The following NBAS variants were observed in gnomAD, a reference collection of about 807,000 sequenced individuals.
NBAS encodes NBAS subunit of NRZ tethering complex.
Under a neutral mutation model 302.5 loss-of-function variants are expected in NBAS, and 219 were observed. The ratio of observed to expected loss-of-function variants is 0.72; its 90% CI spans 0.65 to 0.81. The LOEUF (loss-of-function observed/expected upper bound fraction) is 0.81, where lower values mean the gene tolerates loss of function less well. Ranked by LOEUF, NBAS falls within the 30% of genes least tolerant of loss-of-function variation. The pLI, the probability that NBAS is intolerant of heterozygous loss-of-function variation, is 0.00. For missense variants in NBAS, 2,932 were observed against 2,841.6 expected (o/e 1.03, Z -0.72); for synonymous variants, 1,118 against 1,021.6 (o/e 1.09, Z -1.80).
Position 15,238,498 on chromosome 2 carries a change from G to A in NBAS, c.5913C>T (p.Ser1971=). Residue 1971 remains serine (S), a synonymous_variant, in exon 45 of 52, where the codon AGC becomes AGT. Coordinates refer to ENST00000281513, the MANE Select transcript of NBAS (RefSeq NM_015909.4). ...SLAHLETLSH[S]FILSLKNSEQ... is the part of the protein sequence containing the mutation. ...CACTATTCTTCAGAGAAAGGATGAAGCTGTGGCTCAGGGTTTCCAGGTGGG... is the reference window on the plus strand; with the variant it reads ...CACTATTCTTCAGAGAAAGGATGAAACTGTGGCTCAGGGTTTCCAGGTGGG... 1 of 1,614,184 alleles carries A rather than the reference G, an allele frequency of 6.2e-7. No homozygotes were observed. Among genetic ancestry groups the A allele is most frequent in the Non-Finnish European group, 8.5e-7 (1 of 1,180,012 alleles).
At chr2:15,471,208 G>A (rs1679943615) in intron 16 of NBAS, among the ~76,000 whole-genome samples, 1 of 152,054 alleles carries the variant, frequency 6.6e-6, no homozygotes, top group Admixed American at 6.6e-5. Context: ...TGAGCTCATT[G>A]TCTTAGATCA....
chr2:15,141,397 A>G, the NBAS span, among the ~76,000 whole-genome samples: 2 of 152,228 alleles, frequency 1.3e-5, no homozygotes, highest in Non-Finnish European at 2.9e-5. Context: ...TTTACAGACG[A>G]CAACAGTGAG....
chr2:15,310,906 GAAC>G (rs555410927), intron 38 of NBAS, among the ~76,000 whole-genome samples: 251 of 152,150 alleles, frequency 1.6e-3, no homozygotes, highest in Non-Finnish European at 1.6e-3. Context: ...GCATGTTTTA[GAAC>G]AACAACTACA....
chr2:15,372,463 G>T (rs112035092), intron 31 of NBAS, among the ~76,000 whole-genome samples: 3 of 152,222 alleles, frequency 2.0e-5, no homozygotes, highest in South Asian at 2.1e-4. Flanking sequence ...AATGAACTAC[G>T]TACACTGACT....
chr2:15,453,520 C>T (rs971725293), intron 21 of NBAS, among the ~76,000 whole-genome samples: 4 of 152,070 alleles, frequency 2.6e-5, no homozygotes, highest in African/African-American at 9.7e-5. Context: ...CACTTTTTAG[C>T]CTTACTGATA....
At chr2:15,503,789 T>C (rs1572940065) in intron 11 of NBAS, among the ~76,000 whole-genome samples, 2 of 152,310 alleles carry the variant, frequency 1.3e-5, no homozygotes, top group East Asian at 1.9e-4. Flanking sequence ...AAAAATGATA[T>C]ATTATGAACA....
At chr2:15,058,755 G>A in the NBAS span, among the ~76,000 whole-genome samples, 1 of 152,152 alleles carries the variant, frequency 6.6e-6, no homozygotes, top group Non-Finnish European at 1.5e-5. Context: ...TTCACAACTG[G>A]CCGGGAATCT....
chr2:14,803,429 C>T, the NBAS span, among the ~76,000 whole-genome samples: 2 of 152,136 alleles, frequency 1.3e-5, no homozygotes, highest in Non-Finnish European at 2.9e-5. Flanking sequence ...CTCTCACTAC[C>T]TTGGCCTTCC....
At chr2:15,048,287 G>T in the NBAS span, among the ~76,000 whole-genome samples, 1 of 152,204 alleles carries the variant, frequency 6.6e-6, no homozygotes, top group Non-Finnish European at 1.5e-5. Context: ...CATCCGTGCC[G>T]GATGCTCTTT....
intron 6 of NBAS, among the ~76,000 whole-genome samples, chr2:15,550,525 G>A (rs1024488403): frequency 1.3e-5 from 2 of 151,786 alleles, no homozygotes; most frequent in African/African-American, 4.8e-5. Context: ...TAAAACATAG[G>A]TAATAGATGC....
At chr2:14,828,194 A>G in the NBAS span, among the ~76,000 whole-genome samples, 1 of 152,180 alleles carries the variant, frequency 6.6e-6, no homozygotes, top group African/African-American at 2.4e-5. Flanking sequence ...AAAATAGATA[A>G]TAAATAAACG....
At chr2:14,856,083 AAGAG>A in the NBAS span, among the ~76,000 whole-genome samples, 2 of 152,002 alleles carry the variant, frequency 1.3e-5, no homozygotes, top group Non-Finnish European at 2.9e-5. Flanking sequence ...GAGAGAGAGA[AAGAG>A]AGAGAGAGAC....
chr2:15,123,012 C>A, the NBAS span, among the ~76,000 whole-genome samples: 1 of 152,292 alleles, frequency 6.6e-6, no homozygotes, highest in Middle Eastern at 3.4e-3. Flanking sequence ...AGAGCCCTGA[C>A]AAGGCACTCC....
the NBAS span, among the ~76,000 whole-genome samples, chr2:14,845,783 G>C: frequency 6.6e-6 from 1 of 152,112 alleles, no homozygotes; most frequent in Admixed American, 6.6e-5. Flanking sequence ...GAATGCATCA[G>C]TCTTTTAATA....
intron 13 of NBAS, among the ~76,000 whole-genome samples, chr2:15,476,608 C>G (rs1486372206): frequency 1.3e-5 from 2 of 151,978 alleles, no homozygotes; most frequent in African/African-American, 4.8e-5. Flanking sequence ...GTAGTTCCAA[C>G]TACTGGGGAG....
chr2:15,384,994 T>C (rs964151846), intron 28 of NBAS, among the ~76,000 whole-genome samples: 2 of 143,148 alleles, frequency 1.4e-5, no homozygotes, highest in African/African-American at 2.6e-5. Flanking sequence ...GCAAAAAATA[T>C]AGTCTTTAAA....
At chr2:14,875,996 G>A in the NBAS span, among the ~76,000 whole-genome samples, 10 of 152,314 alleles carry the variant, frequency 6.6e-5, no homozygotes, top group South Asian at 2.1e-4. Context: ...GATCCATCTG[G>A]TTTTTGTACA....
chr2:14,911,346 A>C, the NBAS span, among the ~76,000 whole-genome samples: 1 of 152,154 alleles, frequency 6.6e-6, no homozygotes. Context: ...TTTCTCCCCT[A>C]TGAGACTGGA....
chr2:14,961,017 A>G, the NBAS span, among the ~76,000 whole-genome samples: 4 of 152,170 alleles, frequency 2.6e-5, no homozygotes, highest in African/African-American at 9.7e-5. Flanking sequence ...GCGGCCATCA[A>G]TACCCAAAGC....
Sources: allele counts gnomAD v4.1 joint callset (sites outside exome capture counted in the v4.1 genomes callset), GRCh38; gene constraint gnomAD v4.1.1; transcripts MANE v1.5; gene names NCBI Gene and HGNC (gene_info 2026-07-23, HGNC 2026-07-21).